Variants in CLEC5A observed in about 807,000 individuals in gnomAD.
CLEC5A encodes the protein C-type lectin domain containing 5A, also known as C-type lectin domain family 5 member A.
A neutral mutation model predicts 24.4 loss-of-function variants in CLEC5A; 15 were observed. The observed-to-expected ratio is 0.62, with a 90% confidence interval of 0.41 to 0.95. The LOEUF (loss-of-function observed/expected upper bound fraction) is 0.95. CLEC5A is among the 40% of genes least tolerant of loss of function. The probability of loss-of-function intolerance (pLI) is 0.00; values close to 1 mark genes in which losing one functional copy is unlikely to be tolerated. For missense variants in CLEC5A, 211 were observed against 224.0 expected, an observed-to-expected ratio of 0.94 and a Z score of 0.37; for synonymous variants, 71 against 72.6, an observed-to-expected ratio of 0.98 and a Z score of 0.11.
At chr7:141,936,302 G>T in intron 4 of CLEC5A, 1 of 298,204 alleles carries the variant, frequency 3.4e-6, no homozygotes, top group Non-Finnish European at 6.4e-6. Context: ...CACTGCAGAG[G>T]GTAGGAAAGA....
At chr7:141,940,496 A>G (rs1339465827) in intron 4 of CLEC5A, among the ~76,000 whole-genome samples, 1 of 151,884 alleles carries the variant, frequency 6.6e-6, no homozygotes, top group Non-Finnish European at 1.5e-5. Context: ...ACTTCAAACC[A>G]AAAACCTGAT....
At chr7:141,944,199 A>G (rs1802884919) in intron 3 of CLEC5A, among the ~76,000 whole-genome samples, 1 of 152,162 alleles carries the variant, frequency 6.6e-6, no homozygotes, top group Admixed American at 6.6e-5. Context: ...TGATGTAGCC[A>G]TAGGCATCAA....
intron 4 of CLEC5A, among the ~76,000 whole-genome samples, chr7:141,936,889 C>T (rs1231217850): frequency 3.3e-5 from 5 of 152,036 alleles, no homozygotes; most frequent in Admixed American, 6.5e-5. Flanking sequence ...TAGTCAGAGT[C>T]GTGAGGTCCC....
In CLEC5A at chr7:141,927,687, C is replaced by T. The variant is rs1554439714; in HGVS notation, c.*2417G>A. 6 of 152,124 alleles carry T rather than the reference C, an allele frequency of 3.9e-5. No individual in the cohort carries two copies. The highest frequency in any genetic ancestry group is 6.5e-5 in the Admixed American group (1 of 15,270). 9.4% of individuals were successfully genotyped at this position (152,124 alleles called of 1,614,324 possible). On this transcript the variant is annotated 3_prime_UTR_variant, in exon 7 of 7. Coordinates refer to ENST00000546910, the MANE Select transcript of CLEC5A (RefSeq NM_013252.3). ...GTGTCTTTGATCTCATGTGGCTTGGCCACAACATTTTTAAGGCACCCTTCT... is the reference window on the plus strand; with the variant it reads ...GTGTCTTTGATCTCATGTGGCTTGGTCACAACATTTTTAAGGCACCCTTCT...
At chr7:141,931,132 T>A (rs1341245986) in intron 6 of CLEC5A, among the ~76,000 whole-genome samples, 2 of 152,254 alleles carry the variant, frequency 1.3e-5, no homozygotes, top group Non-Finnish European at 2.9e-5. Context: ...AAGTTGCTTA[T>A]AATAACCTTT....
intron 5 of CLEC5A, among the ~76,000 whole-genome samples, chr7:141,934,563 C>A (rs183434020): frequency 4.2e-5 from 6 of 143,444 alleles, no homozygotes; most frequent in Admixed American, 2.9e-4. Flanking sequence ...TACAGACTTG[C>A]GAGTCAGCAG....
chr7:141,933,656 C>T (rs1209521141), intron 5 of CLEC5A, among the ~76,000 whole-genome samples: 1 of 148,604 alleles, frequency 6.7e-6, no homozygotes, highest in Non-Finnish European at 1.5e-5. Context: ...ATGCTTAGCT[C>T]AGAGCCACTA....
intron 1 of CLEC5A, 80 bp downstream of exon 1, chr7:141,946,727 G>A (rs1317362846): frequency 6.3e-6 from 1 of 158,340 alleles, no homozygotes; most frequent in Non-Finnish European, 1.4e-5. Context: ...CCAGGGGTAG[G>A]TGACAGACAG....
At chr7:141,932,045 G>A (rs1332475894) in intron 5 of CLEC5A, among the ~76,000 whole-genome samples, 1 of 152,182 alleles carries the variant, frequency 6.6e-6, no homozygotes, top group Non-Finnish European at 1.5e-5. Flanking sequence ...AGACTGCTGG[G>A]CTCCTGGTTA....
chr7:141,946,536 A>G (rs1279144619), intron 1 of CLEC5A, among the ~76,000 whole-genome samples: 1 of 152,172 alleles, frequency 6.6e-6, no homozygotes, highest in Non-Finnish European at 1.5e-5. Flanking sequence ...TCCTTCACTC[A>G]TTCCCTACTC....
intron 4 of CLEC5A, 122 bp from the exon 5 acceptor site, chr7:141,936,072 A>C (rs984206511): frequency 8.6e-6 from 7 of 811,960 alleles, no homozygotes; most frequent in Non-Finnish European, 1.4e-5. Flanking sequence ...GGTAAAAATT[A>C]TTCTCCATCC....
chr7:141,945,340 C>T lies in CLEC5A; in HGVS notation c.139+1G>A. On this transcript the variant is annotated splice_donor_variant, in intron 3 of 6. Transcript: ENST00000546910. LOFTEE classifies it high-confidence loss of function. Reference sequence around the variant, plus strand: ...AGAAGATTTACCACCATGCAGATTACCTGTTCCATAGCTCCTGGTGGTGGT... The same window carrying T: ...AGAAGATTTACCACCATGCAGATTATCTGTTCCATAGCTCCTGGTGGTGGT... 1 of 1,606,920 alleles carries T rather than the reference C, an allele frequency of 6.2e-7. No homozygotes were observed. Among genetic ancestry groups the T allele is most frequent in the South Asian group, 1.1e-5 (1 of 90,926 alleles).
At chr7:141,936,009 A>G in intron 4 of CLEC5A, 59 bp from the exon 5 acceptor site, 1 of 1,401,802 alleles carries the variant, frequency 7.1e-7, no homozygotes. Flanking sequence ...GAATCCTGCA[A>G]CTAAGTCATG....
intron 4 of CLEC5A, among the ~76,000 whole-genome samples, chr7:141,940,121 G>C (rs1802741738): frequency 6.6e-6 from 1 of 152,090 alleles, no homozygotes; most frequent in African/African-American, 2.4e-5. Flanking sequence ...CTATTCATCA[G>C]CTACAGAATA....
chr7:141,935,966 A>G lies in CLEC5A; in HGVS notation c.209-16T>C, dbSNP rs782243089. The stretch of plus-strand genomic sequence containing the variant: ...TTGGGGCAGACTGAAGAGGTCCAAG[A>G]AAGGAGAGTACGAGTTTACTGGTTT... On this transcript the variant is annotated splice_polypyrimidine_tract_variant and intron_variant, in intron 4 of 6. Coordinates refer to ENST00000546910, the MANE Select transcript of CLEC5A (RefSeq NM_013252.3). 6.2e-7 allele frequency: 1 copy of G among 1,610,594 alleles called. No homozygotes were observed. The highest frequency in any genetic ancestry group is 8.5e-7 in the Non-Finnish European group (1 of 1,176,838).
intron 5 of CLEC5A, among the ~76,000 whole-genome samples, chr7:141,934,835 A>G (rs1156626821): frequency 1.3e-5 from 2 of 151,956 alleles, no homozygotes; most frequent in Admixed American, 6.6e-5. Flanking sequence ...CCAGGTTAGT[A>G]GTGATGACCT....
At chr7:141,930,349 G>T in intron 6 of CLEC5A, 131 bp from the exon 7 acceptor site, 1 of 664,092 alleles carries the variant, frequency 1.5e-6, no homozygotes, top group Non-Finnish European at 2.6e-6. Flanking sequence ...TGGAAGGGCA[G>T]CAGACTACCG....
intron 3 of CLEC5A, among the ~76,000 whole-genome samples, chr7:141,945,137 A>G (rs1303596388): frequency 6.6e-6 from 1 of 152,204 alleles, no homozygotes; most frequent in Non-Finnish European, 1.5e-5. Context: ...CCCCATATCC[A>G]GGAGAAAAAC....
chr7:141,945,028 C>T (rs7793342), intron 3 of CLEC5A, among the ~76,000 whole-genome samples: 15 of 152,066 alleles, frequency 9.9e-5, no homozygotes, highest in Non-Finnish European at 1.9e-4. Flanking sequence ...CTGGTTTAAT[C>T]GGGAGAGGAG....
Sources: allele counts gnomAD v4.1 joint callset (sites outside exome capture counted in the v4.1 genomes callset), GRCh38; gene constraint gnomAD v4.1.1; transcripts MANE v1.5; gene names NCBI Gene and HGNC (gene_info 2026-07-23, HGNC 2026-07-21).